The following SETD3 variants were observed in gnomAD, a reference collection of about 807,000 sequenced individuals.
The protein encoded by SETD3 is actin-histidine N-methyltransferase.
SETD3 carries 19 observed loss-of-function variants against 63.0 expected under a neutral mutation model. The observed-to-expected ratio is 0.30, with a 90% confidence interval of 0.21 to 0.44. The LOEUF (loss-of-function observed/expected upper bound fraction) is 0.44, where lower values mean the gene tolerates loss of function less well. Ranked by LOEUF, SETD3 falls within the 20% of genes least tolerant of loss-of-function variation. The pLI, the probability that SETD3 is intolerant of heterozygous loss-of-function variation, is 1.00. For synonymous variants in SETD3, 286 were observed against 264.1 expected (o/e 1.08, Z -0.80); for missense variants, 587 against 728.5 (o/e 0.81, Z 2.24).
intron 3 of SETD3, among the ~76,000 whole-genome samples, chr14:99,461,957 C>G (rs978856565): frequency 6.6e-6 from 1 of 152,088 alleles, no homozygotes; most frequent in African/African-American, 2.4e-5. Context: ...GTAAATTTTT[C>G]AAATATCAAT....
chr14:99,458,989 G>A (rs1400635554), intron 5 of SETD3, 124 bp downstream of exon 5: 4 of 616,206 alleles, frequency 6.5e-6, no homozygotes, highest in East Asian at 5.6e-5. Flanking sequence ...AACACTTAAT[G>A]CATATTTGAG....
chr14:99,485,721 A>G (rs1369895108), upstream of SETD3, among the ~76,000 whole-genome samples: 1 of 152,162 alleles, frequency 6.6e-6, no homozygotes, highest in Non-Finnish European at 1.5e-5. Context: ...CCAGCCAGGC[A>G]CGGTGGCTTA....
rs548275784 is a variant in SETD3, at chr14:99,458,042, G to A, written c.675+237C>T. 2.8e-3 allele frequency among the ~76,000 whole-genome samples: 429 copies of A among 152,220 alleles called. 2 individuals are homozygous for A. Among genetic ancestry groups the A allele is most frequent in the African/African-American group, 9.6e-3 (399 of 41,538 alleles). On this transcript the variant is annotated intron_variant, in intron 6 of 12. Transcript: ENST00000331768. The stretch of plus-strand genomic sequence containing the variant: ...AAAACTTGGTGATTTCAATAACTCA[G>A]GAACAACTGCTGCTTGTATTAACAC...
At chr14:99,456,033 G>A (rs922692131) in intron 6 of SETD3, among the ~76,000 whole-genome samples, 6 of 152,212 alleles carry the variant, frequency 3.9e-5, no homozygotes, top group Non-Finnish European at 2.9e-5. Flanking sequence ...GCACATGCCT[G>A]TAGTCCCAGC....
At chr14:99,469,405 G>A (rs897161853) in intron 1 of SETD3, among the ~76,000 whole-genome samples, 3 of 152,122 alleles carry the variant, frequency 2.0e-5, no homozygotes, top group Non-Finnish European at 2.9e-5. Context: ...AGTCCTCCCC[G>A]ACCACAATGT....
chr14:99,428,290 C>T (rs1282819380), intron 6 of SETD3, among the ~76,000 whole-genome samples: 2 of 152,210 alleles, frequency 1.3e-5, no homozygotes, highest in Non-Finnish European at 2.9e-5. Context: ...TTTGTAGACA[C>T]TGAGCACCCC....
At position 99,413,052 on chromosome 14, in the gene SETD3, A is replaced by C. The variant is rs1286033898; in HGVS notation, c.748T>G (p.Ser250Ala). The C allele has an allele frequency of 6.2e-7, 1 of 1,606,200 alleles. No homozygotes were observed. Among genetic ancestry groups the C allele is most frequent in the Non-Finnish European group, 8.5e-7 (1 of 1,172,892 alleles). Residue 250 changes from serine (S) to alanine (A), a missense_variant, in exon 8 of 13, where the codon TCT becomes GCT. Ser to Ala is a moderately conservative substitution (Grantham distance 99). Coordinates refer to ENST00000331768, the MANE Select transcript of SETD3 (RefSeq NM_032233.3). ...TYEDYRWAVSSVMTRQNQIPT... is the reference protein window; with the variant it reads ...TYEDYRWAVSAVMTRQNQIPT... Reference sequence around the variant, plus strand: ...ATTTGGTTTTGCCTCGTCATAACAGAAGAGACTGCCCACCTATAACAAGAT... The same window carrying C: ...ATTTGGTTTTGCCTCGTCATAACAGCAGAGACTGCCCACCTATAACAAGAT...
chr14:99,403,705 C>T, intron 11 of SETD3, among the ~76,000 whole-genome samples: 1 of 152,208 alleles, frequency 6.6e-6, no homozygotes, highest in East Asian at 1.9e-4. Context: ...TTGTGTTCTA[C>T]ACAGATTCTG....
chr14:99,467,338 G>A (rs1050308703), intron 1 of SETD3, among the ~76,000 whole-genome samples: 5 of 152,178 alleles, frequency 3.3e-5, no homozygotes, highest in African/African-American at 1.2e-4. Flanking sequence ...GGGGAGGGCA[G>A]GATGACAGAC....
At chr14:99,415,056 C>T (rs1448781987) in intron 6 of SETD3, among the ~76,000 whole-genome samples, 3 of 152,148 alleles carry the variant, frequency 2.0e-5, no homozygotes, top group African/African-American at 7.2e-5. Context: ...GTGCTCAGTG[C>T]GCAATTTTAG....
At chr14:99,430,430 T>G (rs1003820671) in intron 6 of SETD3, among the ~76,000 whole-genome samples, 2 of 152,230 alleles carry the variant, frequency 1.3e-5, no homozygotes, top group Non-Finnish European at 2.9e-5. Context: ...ATATATGACT[T>G]AAAATTCAAA....
rs530799111 is a variant in SETD3 at position 99,400,153 on chromosome 14, T to C, written c.1284A>G (p.Thr428=). ...VSWDNEVKLW[T]FLEDRASLLL... is the part of the protein sequence containing the mutation. ...GAAGTGAGGCTCTATCTTCAAGAAATGTCCAAAGTTTGACCTCGTTGTCCC... is the reference window on the plus strand; with the variant it reads ...GAAGTGAGGCTCTATCTTCAAGAAACGTCCAAAGTTTGACCTCGTTGTCCC... The change falls in exon 12 of 13, where the codon ACA becomes ACG. Residue 428 remains threonine, a synonymous_variant. Transcript: ENST00000331768. The C allele has an allele frequency of 2.6e-4, 416 of 1,614,150 alleles. 5 individuals are homozygous for C. The South Asian group carries it at 3.4e-3, about 13-fold the overall frequency.
chr14:99,481,082 C>A (rs1414483596), upstream of SETD3: 2 of 213,254 alleles, frequency 9.4e-6, no homozygotes, highest in East Asian at 1.9e-4. Context: ...GATGTCGCAA[C>A]TGGCTGCGTT....
chr14:99,431,170 G>A (rs1893156628), intron 6 of SETD3, among the ~76,000 whole-genome samples: 2 of 152,088 alleles, frequency 1.3e-5, no homozygotes, highest in South Asian at 4.2e-4. Context: ...CACATAATAG[G>A]GATTTTGTTA....
At chr14:99,450,714 C>T (rs1416300155) in intron 6 of SETD3, among the ~76,000 whole-genome samples, 3 of 152,198 alleles carry the variant, frequency 2.0e-5, no homozygotes, top group Non-Finnish European at 4.4e-5. Context: ...CATACCTTCC[C>T]CTGCACCTTT....
chr14:99,398,610 C>T lies in SETD3; in HGVS notation c.*69G>A. 6 of 1,372,934 alleles carry T rather than the reference C, an allele frequency of 4.4e-6. No homozygotes were observed. The highest frequency in any genetic ancestry group is 6.0e-6 in the Non-Finnish European group (6 of 993,330). The allele number at this position is 1,372,934 out of a possible 1,614,324, so 85.0% of individuals were successfully genotyped here. ...AGAAAGAAAAATGTTAACAAGGAAA[C>T]ACAGCGATGTGAACGGACTGTCCGT... On this transcript the variant is annotated 3_prime_UTR_variant, in exon 13 of 13. Coordinates refer to ENST00000331768, the MANE Select transcript of SETD3 (RefSeq NM_032233.3).
chr14:99,422,112 A>C (rs1048683098), intron 6 of SETD3, among the ~76,000 whole-genome samples: 1 of 152,184 alleles, frequency 6.6e-6, no homozygotes, highest in African/African-American at 2.4e-5. Context: ...CGGTCATAAA[A>C]TCTCAGCCCT....
rs144609101 is a variant in SETD3, at chr14:99,467,489, A to G, written c.-8-1676T>C. Among the ~76,000 whole-genome samples, 1,409 of 152,304 alleles carry G rather than the reference A, an allele frequency of 9.3e-3. 24 individuals are homozygous for G. Among genetic ancestry groups the G allele is most frequent in the African/African-American group, 0.032 (1,344 of 41,554 alleles). ...CCCTTCTGGGCATTTCAGGCTTCCC[A>G]TATCTGCGGAGGGCATCTCTGGAGG... On this transcript the variant is annotated intron_variant, in intron 1 of 12. Coordinates refer to ENST00000331768, the MANE Select transcript of SETD3 (RefSeq NM_032233.3).
chr14:99,461,403 T>A, intron 3 of SETD3, 63 bp from the exon 4 acceptor site: 1 of 1,526,222 alleles, frequency 6.6e-7, no homozygotes, highest in Non-Finnish European at 8.9e-7. Context: ...TTCACACGTC[T>A]CTCAGAAAAT....
Sources: gnomAD v4.1 joint callset for allele counts (sites outside exome capture counted in the v4.1 genomes callset) on GRCh38, gnomAD v4.1.1 for gene constraint, MANE v1.5 for transcripts, NCBI Gene and HGNC (gene_info 2026-07-23, HGNC 2026-07-21) for gene names.